CNTNAP4: variants seen among roughly 807,000 people sequenced by gnomAD.
The protein encoded by CNTNAP4 is contactin-associated protein-like 4.
In CNTNAP4, 98 loss-of-function variants were observed where a neutral mutation model predicts 148.4. The observed-to-expected ratio is 0.66, with a 90% confidence interval of 0.56 to 0.78. The LOEUF is 0.78. Ranked by LOEUF, CNTNAP4 falls within the 30% of genes least tolerant of loss-of-function variation. The pLI, the probability that CNTNAP4 is intolerant of heterozygous loss-of-function variation, is 0.00. For missense variants in CNTNAP4, 1,935 were observed against 1,565.6 expected, an observed-to-expected ratio of 1.24 and a Z score of -3.98; for synonymous variants, 730 against 565.1, an observed-to-expected ratio of 1.29 and a Z score of -4.14.
intron 3 of CNTNAP4, among the ~76,000 whole-genome samples, chr16:76,396,737 G>C (rs2078218749): frequency 6.6e-6 from 1 of 152,124 alleles, no homozygotes; most frequent in Admixed American, 6.6e-5. Context: ...GTATCAGCCA[G>C]TGCTACCAGG....
intron 2 of CNTNAP4, among the ~76,000 whole-genome samples, chr16:76,326,974 AAAG>A (rs1456308632): frequency 1.3e-5 from 2 of 152,206 alleles, no homozygotes; most frequent in African/African-American, 2.4e-5. Context: ...TACAAAAAAA[AAAG>A]AAAACCAAAA....
chr16:76,340,462 A>G (rs1226202067), intron 2 of CNTNAP4, among the ~76,000 whole-genome samples: 4 of 152,060 alleles, frequency 2.6e-5, no homozygotes, highest in African/African-American at 9.7e-5. Context: ...CTTGACTCTG[A>G]GCACCACCAC....
chr16:76,538,062 C>G, intron 18 of CNTNAP4, 54 bp from the exon 19 acceptor site: 1 of 820,132 alleles, frequency 1.2e-6, no homozygotes, highest in South Asian at 3.8e-5. Flanking sequence ...GTAACTAAAA[C>G]AAAATCCTTG....
intron 3 of CNTNAP4, among the ~76,000 whole-genome samples, chr16:76,367,185 C>T (rs990057269): frequency 6.6e-6 from 1 of 151,798 alleles, no homozygotes; most frequent in Non-Finnish European, 1.5e-5. Flanking sequence ...AAGCTTAATA[C>T]ATATTTAAGG....
intron 2 of CNTNAP4, among the ~76,000 whole-genome samples, chr16:76,323,777 ACAGTCTT>A (rs1292048473): frequency 1.3e-5 from 2 of 152,088 alleles, no homozygotes; most frequent in Non-Finnish European, 2.9e-5. Context: ...TCTATGGCCC[ACAGTCTT>A]CAGCTCTAAA....
chr16:76,554,722 A>G (rs72801226), intron 23 of CNTNAP4, among the ~76,000 whole-genome samples: 10,356 of 151,856 alleles, frequency 0.068, 383 homozygotes, highest in Non-Finnish European at 0.081. Context: ...CCAGGGAGAT[A>G]CAATTTTAAA....
At chr16:76,290,684 C>A (rs9923838) in intron 1 of CNTNAP4, among the ~76,000 whole-genome samples, 4,034 of 152,278 alleles carry the variant, frequency 0.026, 151 homozygotes, top group East Asian at 0.13. Flanking sequence ...CTGACCAAGG[C>A]ATTCTACCAG....
chr16:76,323,279 G>T (rs1597191067), intron 2 of CNTNAP4, among the ~76,000 whole-genome samples: 2 of 103,034 alleles, frequency 1.9e-5, no homozygotes, highest in African/African-American at 7.6e-5. Flanking sequence ...TGATAGGATG[G>T]TTTTATTTAA....
At chr16:76,386,474 G>A (rs1597388598) in intron 3 of CNTNAP4, among the ~76,000 whole-genome samples, 1 of 152,172 alleles carries the variant, frequency 6.6e-6, no homozygotes, top group East Asian at 1.9e-4. Context: ...CATGCATTTT[G>A]TTGAATTGCC....
In CNTNAP4 at chr16:76,513,460, C is replaced by T. The variant is rs78393856; in HGVS notation, c.2366-7680C>T. 4.9e-4 allele frequency among the ~76,000 whole-genome samples: 74 copies of T among 152,074 alleles called. No individual in the cohort carries two copies. In the East Asian group the frequency reaches 8.1e-3, roughly 17 times the overall value. ...CTTACCTGTAGTGTTCTTTAAAACC[C>T]GATGTTTATACACAGTCCCACATAA... On this transcript the variant is annotated intron_variant, in intron 15 of 23. Transcript: ENST00000611870.
In CNTNAP4 at chr16:76,459,668, A is replaced by G. The variant is rs147977081; in HGVS notation, c.1334-2288A>G. On this transcript the variant is annotated intron_variant, in intron 8 of 23. Transcript: ENST00000611870. Reference sequence around the variant, plus strand: ...TCTTTTACATAAAATCAGTAAAGAAATCACATGCAATATCAGAAAAAAGGC... The same window carrying G: ...TCTTTTACATAAAATCAGTAAAGAAGTCACATGCAATATCAGAAAAAAGGC... Among the ~76,000 whole-genome samples the G allele has an allele frequency of 9.3e-4, 141 of 152,374 alleles. 1 individual carries two copies. The highest frequency in any genetic ancestry group is 3.3e-3 in the African/African-American group (138 of 41,602).
At chr16:76,371,973 C>G (rs544391118) in intron 3 of CNTNAP4, among the ~76,000 whole-genome samples, 1 of 152,168 alleles carries the variant, frequency 6.6e-6, no homozygotes, top group African/African-American at 2.4e-5. Flanking sequence ...TCTCTAAGTT[C>G]TTACTTCCAA....
chr16:76,369,018 C>T (rs775735548), intron 3 of CNTNAP4, among the ~76,000 whole-genome samples: 1 of 149,780 alleles, frequency 6.7e-6, no homozygotes, highest in Non-Finnish European at 1.5e-5. Flanking sequence ...AAAATAAAGC[C>T]TTAGTTTTTT....
chr16:76,536,656 A>T (rs1164718293), intron 18 of CNTNAP4, among the ~76,000 whole-genome samples: 3 of 152,188 alleles, frequency 2.0e-5, no homozygotes, highest in Non-Finnish European at 2.9e-5. Flanking sequence ...TACATTAATC[A>T]TACATTTTAT....
chr16:76,312,571 GA>G (rs1216018795), intron 1 of CNTNAP4, among the ~76,000 whole-genome samples: 1 of 152,038 alleles, frequency 6.6e-6, no homozygotes, highest in East Asian at 1.9e-4. Context: ...GATCAAATGG[GA>G]AATAAAAAAA....
At chr16:76,491,857 T>C (rs1440623517) in intron 13 of CNTNAP4, among the ~76,000 whole-genome samples, 1 of 16,262 alleles carries the variant, frequency 6.1e-5, no homozygotes, top group Non-Finnish European at 1.9e-4. Flanking sequence ...TATCCCATTG[T>C]GTGTGTGTGT....
intron 3 of CNTNAP4, among the ~76,000 whole-genome samples, chr16:76,389,084 A>C (rs1313387469): frequency 1.3e-5 from 2 of 152,240 alleles, no homozygotes; most frequent in Non-Finnish European, 2.9e-5. Context: ...ATAGAGTATA[A>C]GTATGTGTAA....
intron 3 of CNTNAP4, among the ~76,000 whole-genome samples, chr16:76,394,211 A>ATGTT (rs1398620520): frequency 6.6e-6 from 1 of 152,172 alleles, no homozygotes; most frequent in African/African-American, 2.4e-5. Flanking sequence ...TTGGTCAGGA[A>ATGTT]TGTTTATTTA....
At chr16:76,502,359 C>T (rs539426443) in intron 15 of CNTNAP4, among the ~76,000 whole-genome samples, 9 of 150,204 alleles carry the variant, frequency 6.0e-5, no homozygotes, top group African/African-American at 1.5e-4. Flanking sequence ...TAAGTTACAA[C>T]GCCATAGGTA....
Sources: allele counts gnomAD v4.1 joint callset (sites outside exome capture counted in the v4.1 genomes callset), GRCh38; gene constraint gnomAD v4.1.1; transcripts MANE v1.5; gene names NCBI Gene and HGNC (gene_info 2026-07-23, HGNC 2026-07-21).